CASK: variants seen among roughly 807,000 people sequenced by gnomAD.
CASK encodes the protein peripheral plasma membrane protein CASK.
CASK carries 4 observed loss-of-function variants against 82.9 expected under a neutral mutation model. That is an observed-to-expected ratio of 0.05 (90% confidence interval 0.02 to 0.11). CASK has a LOEUF of 0.11. Ranked by LOEUF, CASK falls within the 10% of genes least tolerant of loss-of-function variation. The pLI, the probability that CASK is intolerant of heterozygous loss-of-function variation, is 1.00. For synonymous variants in CASK, 259 were observed against 253.5 expected, an observed-to-expected ratio of 1.02 and a Z score of -0.20; for missense variants, 358 against 720.9, an observed-to-expected ratio of 0.50 and a Z score of 5.76.
At chrX:41,749,232 T>G (rs2068745825) in intron 3 of CASK, among the ~76,000 whole-genome samples, 1 of 107,298 alleles carries the variant, frequency 9.3e-6, no homozygotes, top group African/African-American at 3.4e-5. Context: ...GAGGTTGCAG[T>G]GAGCTGAGAT....
intron 1 of CASK, among the ~76,000 whole-genome samples, chrX:41,854,224 G>GCA (rs4007745): frequency 0.14 from 11,404 of 80,984 alleles, 718 homozygotes; most frequent in Admixed American, 0.17. Flanking sequence ...GCGGGCGCGC[G>GCA]CACACACACA....
chrX:41,878,911 A>G (rs911612774), intron 1 of CASK, among the ~76,000 whole-genome samples: 1 of 111,656 alleles, frequency 9.0e-6, no homozygotes, highest in Non-Finnish European at 1.9e-5. Flanking sequence ...GACTTTCTTA[A>G]ATTATCAATC....
intron 16 of CASK, 91 bp from the exon 17 acceptor site, chrX:41,561,735 A>G: frequency 1.5e-6 from 1 of 684,260 alleles, no homozygotes. Context: ...TTAAAAACTA[A>G]GTTGAATATT....
intron 2 of CASK, among the ~76,000 whole-genome samples, chrX:41,833,771 CA>C (rs2070873964): frequency 9.0e-6 from 1 of 111,537 alleles, no homozygotes. Flanking sequence ...TTTTTTGAGG[CA>C]GGATCTTACT....
intron 6 of CASK, 181 bp from the exon 7 acceptor site, chrX:41,665,633 T>C: frequency 2.2e-6 from 1 of 453,604 alleles, no homozygotes; most frequent in Non-Finnish European, 3.8e-6. Flanking sequence ...CTTATCTAAT[T>C]GCTTCCTGAA....
At chrX:41,650,662 C>G (rs2147429644) in intron 8 of CASK, among the ~76,000 whole-genome samples, 1 of 109,085 alleles carries the variant, frequency 9.2e-6, no homozygotes, top group Admixed American at 9.8e-5. Context: ...CCACCTTACT[C>G]TAATTACTTA....
chrX:41,616,317 A>T (rs2066196327), intron 11 of CASK, among the ~76,000 whole-genome samples: 2 of 112,066 alleles, frequency 1.8e-5, no homozygotes, highest in Middle Eastern at 4.6e-3. Flanking sequence ...TGTTCCAGGA[A>T]CATCCTCAGG....
chrX:41,842,569 GAA>G (rs375808137), intron 2 of CASK, among the ~76,000 whole-genome samples: 6 of 94,127 alleles, frequency 6.4e-5, no homozygotes, highest in Non-Finnish European at 8.6e-5. Flanking sequence ...CTGTCTCCAG[GAA>G]AAAAAAAAAA....
chrX:41,728,130 T>C, intron 5 of CASK: 1 of 411,841 alleles, frequency 2.4e-6, no homozygotes, highest in Non-Finnish European at 4.0e-6. Context: ...CACAGCTTGG[T>C]TGACAATAAT....
At chrX:41,852,649 T>C (rs185798622) in intron 2 of CASK, among the ~76,000 whole-genome samples, 1 of 111,599 alleles carries the variant, frequency 9.0e-6, no homozygotes, top group East Asian at 2.8e-4. Flanking sequence ...ACATATATCA[T>C]ATGTGACTTA....
intron 1 of CASK, among the ~76,000 whole-genome samples, chrX:41,877,425 G>A (rs897299955): frequency 3.6e-5 from 4 of 111,591 alleles, no homozygotes; most frequent in Non-Finnish European, 7.6e-5. Context: ...CCACAGTGGA[G>A]AGGAATGGTT....
intron 1 of CASK, among the ~76,000 whole-genome samples, chrX:41,854,375 G>A (rs1300720091): frequency 9.0e-6 from 1 of 111,581 alleles, no homozygotes; most frequent in East Asian, 2.8e-4. Flanking sequence ...AATACAGAAT[G>A]CAATAGCAAT....
intron 3 of CASK, among the ~76,000 whole-genome samples, chrX:41,786,326 A>G (rs1028721596): frequency 1.8e-5 from 2 of 110,400 alleles, no homozygotes; most frequent in African/African-American, 3.3e-5. Flanking sequence ...TGACCTTGGT[A>G]TCTTTTGAAT....
intron 5 of CASK, among the ~76,000 whole-genome samples, chrX:41,692,557 G>A (rs1163699907): frequency 2.7e-5 from 3 of 112,739 alleles, no homozygotes; most frequent in Non-Finnish European, 5.6e-5. Flanking sequence ...GTTTTGCTTT[G>A]TGAAGACACA....
At chrX:41,721,562 C>T (rs765343311) in intron 5 of CASK, among the ~76,000 whole-genome samples, 1 of 112,006 alleles carries the variant, frequency 8.9e-6, no homozygotes, top group East Asian at 2.8e-4. Flanking sequence ...GTTAAAAATA[C>T]TTAAAACATG....
intron 5 of CASK, among the ~76,000 whole-genome samples, chrX:41,674,215 G>T (rs913553787): frequency 1.8e-5 from 2 of 110,658 alleles, no homozygotes; most frequent in Non-Finnish European, 3.8e-5. Flanking sequence ...AATAGTCTGT[G>T]GGATGCAAGC....
intron 5 of CASK, among the ~76,000 whole-genome samples, chrX:41,680,799 C>T (rs1188713598): frequency 9.1e-6 from 1 of 110,025 alleles, no homozygotes; most frequent in Non-Finnish European, 1.9e-5. Flanking sequence ...CCTGTAATCC[C>T]AGCTACTTGG....
At chrX:41,767,529 C>T (rs1193796459) in intron 3 of CASK, among the ~76,000 whole-genome samples, 1 of 112,089 alleles carries the variant, frequency 8.9e-6, no homozygotes, top group Non-Finnish European at 1.9e-5. Context: ...ACCTGGACTT[C>T]ATCAGTTTGT....
intron 2 of CASK, among the ~76,000 whole-genome samples, chrX:41,799,355 C>G (rs2069938770): frequency 9.0e-6 from 1 of 111,652 alleles, no homozygotes; most frequent in Non-Finnish European, 1.9e-5. Context: ...CCCTGGCCAA[C>G]ATGGTAAAAC....
Sources: allele counts gnomAD v4.1 joint callset (sites outside exome capture counted in the v4.1 genomes callset), GRCh38; gene constraint gnomAD v4.1.1; transcripts MANE v1.5; gene names NCBI Gene and HGNC (gene_info 2026-07-23, HGNC 2026-07-21).